The following BTG3 variants were observed in gnomAD, a reference collection of about 807,000 sequenced individuals.
BTG3 encodes the protein BTG anti-proliferation factor 3, also known as protein BTG3.
BTG3 carries 4 observed loss-of-function variants against 25.8 expected under a neutral mutation model. The ratio of observed to expected loss-of-function variants is 0.16; its 90% confidence interval spans 0.08 to 0.36. The LOEUF (loss-of-function observed/expected upper bound fraction) is 0.36. Among genes scored for constraint, BTG3 ranks in the 10% least tolerant of loss-of-function variants. The probability of loss-of-function intolerance (pLI) is 1.00; values close to 1 mark genes in which losing one functional copy is unlikely to be tolerated. For synonymous variants in BTG3, 107 were observed against 99.9 expected, an observed-to-expected ratio of 1.07 and a Z score of -0.42; for missense variants, 201 against 304.9, an observed-to-expected ratio of 0.66 and a Z score of 2.54.
Position 17,594,235 on chromosome 21 carries a change from G to C in BTG3, c.617C>G (p.Pro206Arg). ...TGGATAACCAAATGGAACAGGAGGA[G>C]GATAGTGATTCTGATGGCCATTCCC... ...YRGNGHQNHY[P>R]PPVPFGYPNQ... The change falls in exon 5 of 5, where the codon CCT (proline) becomes CGT (arginine). Residue 206 changes from proline to arginine, a missense_variant. Physicochemically the swap from Pro to Arg is moderately radical, Grantham distance 103. This residue lies in a region of BTG3 where 131 missense variants were observed against 129.3 expected (regional missense o/e 1.01). Transcript: ENST00000348354. The C allele has an allele frequency of 3.7e-6, 6 of 1,613,332 alleles. No individual in the cohort carries two copies. The highest frequency in any genetic ancestry group is 5.1e-6 in the Non-Finnish European group (6 of 1,179,428).
At chr21:17,600,118 T>C (rs957985471) in intron 3 of BTG3, among the ~76,000 whole-genome samples, 1 of 152,160 alleles carries the variant, frequency 6.6e-6, no homozygotes, top group Admixed American at 6.5e-5. Flanking sequence ...TGTCAAAATA[T>C]GTAACATATG....
At chr21:17,602,258 G>A (rs1245148994) in intron 3 of BTG3, among the ~76,000 whole-genome samples, 4 of 151,910 alleles carry the variant, frequency 2.6e-5, no homozygotes, top group Non-Finnish European at 5.9e-5. Context: ...TCTGTATCAC[G>A]AAGTGATAAC....
At chr21:17,596,508 A>T (rs1164013002) in intron 4 of BTG3, among the ~76,000 whole-genome samples, 1 of 151,998 alleles carries the variant, frequency 6.6e-6, no homozygotes, top group African/African-American at 2.4e-5. Flanking sequence ...TCCTACACAG[A>T]TCATCCAGTT....
At chr21:17,609,641 T>C (rs1052638094) in intron 1 of BTG3, among the ~76,000 whole-genome samples, 1 of 152,234 alleles carries the variant, frequency 6.6e-6, no homozygotes, top group Non-Finnish European at 1.5e-5. Flanking sequence ...AGAGTTATCA[T>C]ATGACACGGC....
At chr21:17,598,943 A>C in intron 3 of BTG3, 119 bp from the exon 4 acceptor site, 1 of 763,326 alleles carries the variant, frequency 1.3e-6, no homozygotes, top group Non-Finnish European at 2.1e-6. Flanking sequence ...GAATCATCAC[A>C]GAACTTGACC....
At chr21:17,596,320 T>G (rs529927628) in intron 4 of BTG3, among the ~76,000 whole-genome samples, 1 of 152,154 alleles carries the variant, frequency 6.6e-6, no homozygotes, top group Non-Finnish European at 1.5e-5. Flanking sequence ...TTTTTTCCCT[T>G]ATTAGTTACT....
intron 2 of BTG3, 120 bp from the exon 3 acceptor site, chr21:17,605,117 G>A: frequency 1.8e-6 from 2 of 1,125,230 alleles, no homozygotes; most frequent in South Asian, 1.6e-5. Flanking sequence ...CCCTGGTAGA[G>A]AACCTAGGAG....
intron 3 of BTG3, among the ~76,000 whole-genome samples, chr21:17,603,437 A>G (rs1353263053): frequency 1.3e-5 from 2 of 152,214 alleles, no homozygotes; most frequent in Admixed American, 6.5e-5. Context: ...ACCACTGGCA[A>G]ATCAGGTAGT....
intron 2 of BTG3, among the ~76,000 whole-genome samples, chr21:17,607,921 T>C (rs890303211): frequency 6.6e-6 from 1 of 152,242 alleles, no homozygotes; most frequent in Non-Finnish European, 1.5e-5. Context: ...TCTGCTCTTC[T>C]TTACTTTAAG....
At chr21:17,612,656 A>ACCCATGGTGGG (rs1220198233) in intron 1 of BTG3, 43 bp downstream of exon 1, 2 of 148,564 alleles carry the variant, frequency 1.3e-5, no homozygotes, top group Non-Finnish European at 3.0e-5. Flanking sequence ...CCCGATACCC[A>ACCCATGGTGGG]CAGCCCCGCC....
intron 3 of BTG3, among the ~76,000 whole-genome samples, chr21:17,604,524 G>A (rs2061614797): frequency 6.6e-6 from 1 of 152,132 alleles, no homozygotes; most frequent in African/African-American, 2.4e-5. Context: ...TTTGGGATTA[G>A]CTTCTTAATT....
intron 2 of BTG3, among the ~76,000 whole-genome samples, chr21:17,607,357 A>G (rs2061657328): frequency 6.6e-6 from 1 of 152,188 alleles, no homozygotes. Flanking sequence ...AACTTAACGA[A>G]AGCTGTTCAC....
At chr21:17,594,467 T>A (rs746230646) in intron 4 of BTG3, 135 bp from the exon 5 acceptor site, 93 of 1,038,360 alleles carry the variant, frequency 9.0e-5, no homozygotes, top group Non-Finnish European at 1.3e-4. Flanking sequence ...TTGTCAGGTC[T>A]AAATACATTA....
chr21:17,595,081 G>A (rs914286392), intron 4 of BTG3, among the ~76,000 whole-genome samples: 1 of 151,692 alleles, frequency 6.6e-6, no homozygotes, highest in Non-Finnish European at 1.5e-5. Flanking sequence ...CTCAGAACTA[G>A]AGGCCAGGTA....
At chr21:17,603,634 A>C (rs890572451) in intron 3 of BTG3, among the ~76,000 whole-genome samples, 1 of 152,230 alleles carries the variant, frequency 6.6e-6, no homozygotes, top group African/African-American at 2.4e-5. Flanking sequence ...GGTCAGGTGA[A>C]TTGTACCTCA....
intron 1 of BTG3, 34 bp from the exon 2 acceptor site, chr21:17,609,186 A>G (rs1421249423): frequency 6.3e-7 from 1 of 1,584,088 alleles, no homozygotes; most frequent in East Asian, 2.2e-5. Context: ...TCAGAAAAAC[A>G]AAATATAAAA....
chr21:17,593,917 T>A lies in BTG3; in HGVS notation c.*176A>T, dbSNP rs367675835. On this transcript the variant is annotated 3_prime_UTR_variant, in exon 5 of 5. Transcript: ENST00000348354. ...TAAAATTTCTCAAACTATATCAATA[T>A]CTAAAGTGCATATATTTTTTAAGAA... The A allele has an allele frequency of 4.9e-6, 4 of 818,364 alleles. No homozygotes were observed. Among genetic ancestry groups the A allele is most frequent in the East Asian group, 2.9e-5 (1 of 34,904 alleles). 50.7% of individuals were successfully genotyped at this position (818,364 alleles called of 1,614,324 possible). A position where few individuals can be genotyped will look rare whatever the true frequency, so the allele number is the denominator to read the frequency against.
At chr21:17,599,848 T>C (rs2061550426) in intron 3 of BTG3, among the ~76,000 whole-genome samples, 1 of 152,154 alleles carries the variant, frequency 6.6e-6, no homozygotes, top group African/African-American at 2.4e-5. Context: ...AAATTTCCTA[T>C]AAAATTGACT....
chr21:17,610,380 A>G (rs1421594584), intron 1 of BTG3, among the ~76,000 whole-genome samples: 1 of 152,222 alleles, frequency 6.6e-6, no homozygotes, highest in Non-Finnish European at 1.5e-5. Flanking sequence ...TGACTTTCCG[A>G]AAGTACTCTT....
Sources: gnomAD v4.1 joint callset for allele counts (sites outside exome capture counted in the v4.1 genomes callset) on GRCh38, gnomAD v4.1.1 for gene constraint, gnomAD v4.1.1 regional missense constraint, MANE v1.5 for transcripts, NCBI Gene and HGNC (gene_info 2026-07-23, HGNC 2026-07-21) for gene names.